The following SLIT2 variants were observed in gnomAD, a reference collection of about 807,000 sequenced individuals.
SLIT2 encodes the protein slit guidance ligand 2.
SLIT2 carries 41 observed loss-of-function variants against 185.7 expected under a neutral mutation model. The ratio of observed to expected loss-of-function variants is 0.22; its 90% CI spans 0.17 to 0.29. The LOEUF is 0.29. Among genes scored for constraint, SLIT2 ranks in the 10% least tolerant of loss-of-function variants. The pLI, the probability that SLIT2 is intolerant of heterozygous loss-of-function variation, is 1.00. For missense variants in SLIT2, 1,571 were observed against 1,909.0 expected (o/e 0.82, Z 3.30); for synonymous variants, 693 against 680.2 (o/e 1.02, Z -0.29).
At chr4:20,351,432 G>A (rs76780295) in intron 4 of SLIT2, among the ~76,000 whole-genome samples, 1,910 of 152,242 alleles carry the variant, frequency 0.013, 98 homozygotes, top group East Asian at 0.078. Flanking sequence ...GACATAGAAA[G>A]TAACTCTTTT....
At chr4:20,268,756 T>C in intron 3 of SLIT2, 54 bp from the exon 4 acceptor site, 1 of 1,083,058 alleles carries the variant, frequency 9.2e-7, no homozygotes, top group African/African-American at 1.5e-5. Context: ...AATCACAGTC[T>C]CATTGTTGGG....
intron 4 of SLIT2, among the ~76,000 whole-genome samples, chr4:20,340,423 G>T (rs572940474): frequency 8.4e-4 from 128 of 152,144 alleles, no homozygotes; most frequent in African/African-American, 2.9e-3. Context: ...TAAACCAAGG[G>T]AGTATCTGTA....
chr4:20,423,778 T>C (rs1381654871), intron 4 of SLIT2, among the ~76,000 whole-genome samples: 2 of 152,174 alleles, frequency 1.3e-5, no homozygotes, highest in African/African-American at 2.4e-5. Context: ...AAATTATCTT[T>C]ATGAGTAAGG....
chr4:20,582,213 G>A (rs546862418), intron 29 of SLIT2, among the ~76,000 whole-genome samples: 2 of 152,242 alleles, frequency 1.3e-5, no homozygotes, highest in African/African-American at 4.8e-5. Flanking sequence ...CATCTCTTAG[G>A]GCTCCTGTTC....
chr4:20,557,877 G>A (rs1724392990), intron 26 of SLIT2, among the ~76,000 whole-genome samples: 1 of 151,956 alleles, frequency 6.6e-6, no homozygotes, highest in African/African-American at 2.4e-5. Context: ...ATTCCAATCT[G>A]CATAGATGAC....
intron 4 of SLIT2, among the ~76,000 whole-genome samples, chr4:20,387,977 C>CA (rs1006313010): frequency 2.0e-5 from 3 of 150,274 alleles, no homozygotes; most frequent in Admixed American, 1.3e-4. Context: ...AACTAAAAAA[C>CA]AAAAAAACAC....
At chr4:20,559,382 C>T (rs1277141689) in intron 26 of SLIT2, among the ~76,000 whole-genome samples, 1 of 151,944 alleles carries the variant, frequency 6.6e-6, no homozygotes, top group Non-Finnish European at 1.5e-5. Flanking sequence ...AGAGTTTACT[C>T]AGTTTTTCTG....
intron 4 of SLIT2, among the ~76,000 whole-genome samples, chr4:20,308,041 T>A (rs543397379): frequency 6.6e-6 from 1 of 152,322 alleles, no homozygotes; most frequent in African/African-American, 2.4e-5. Context: ...TTAATTATTA[T>A]GATTTTTAGT....
At chr4:20,353,560 CAG>C in intron 4 of SLIT2, among the ~76,000 whole-genome samples, 1 of 152,090 alleles carries the variant, frequency 6.6e-6, no homozygotes, top group South Asian at 2.1e-4. Flanking sequence ...TTATGTAGAA[CAG>C]GCTGCATACA....
intron 4 of SLIT2, among the ~76,000 whole-genome samples, chr4:20,326,673 T>C (rs1362642584): frequency 6.6e-6 from 1 of 151,710 alleles, no homozygotes; most frequent in South Asian, 2.1e-4. Context: ...TGAGTCTTCT[T>C]GGAATTATCT....
At chr4:20,307,096 ATT>A (rs1560302218) in intron 4 of SLIT2, among the ~76,000 whole-genome samples, 7 of 51,228 alleles carry the variant, frequency 1.4e-4, no homozygotes, top group African/African-American at 5.1e-4. Flanking sequence ...CACCCGCTCT[ATT>A]TCTTTCCCTC....
At chr4:20,593,126 C>G (rs941792165) in intron 30 of SLIT2, among the ~76,000 whole-genome samples, 1 of 151,980 alleles carries the variant, frequency 6.6e-6, no homozygotes, top group Admixed American at 6.6e-5. Flanking sequence ...TTAATACAGA[C>G]TAAACCATAA....
rs537440164 is a variant in SLIT2, at chr4:20,484,399, T to C, written c.540-1801T>C. Among the ~76,000 whole-genome samples, 3 of 152,248 alleles carry C rather than the reference T, an allele frequency of 2.0e-5. No individual in the cohort carries two copies. Among genetic ancestry groups the C allele is most frequent in the African/African-American group, 7.2e-5 (3 of 41,560 alleles). ...TAGGAAAATGCTAAAAGCTCTTAGGTAAACTGAGCCAACAAATCCAGTGCT... is the reference window on the plus strand; with the variant it reads ...TAGGAAAATGCTAAAAGCTCTTAGGCAAACTGAGCCAACAAATCCAGTGCT... On this transcript the variant is annotated intron_variant, in intron 6 of 36. Transcript: ENST00000504154. This position sits in a 1 kb window ranked among gnomAD's most constrained non-coding sequence, Gnocchi z 4.3.
intron 4 of SLIT2, among the ~76,000 whole-genome samples, chr4:20,431,298 G>A (rs1728955360): frequency 6.6e-6 from 1 of 152,200 alleles, no homozygotes; most frequent in South Asian, 2.1e-4. Context: ...GGAAGGGGAT[G>A]GAGTAGGAAG....
intron 32 of SLIT2, 94 bp downstream of exon 32, chr4:20,596,749 T>G: frequency 7.9e-7 from 1 of 1,259,654 alleles, no homozygotes; most frequent in Non-Finnish European, 1.1e-6. Flanking sequence ...ATTGATAGTA[T>G]GTCTTAAATA....
chr4:20,278,643 A>C (rs1714410382), intron 4 of SLIT2, among the ~76,000 whole-genome samples: 1 of 152,164 alleles, frequency 6.6e-6, no homozygotes, highest in Non-Finnish European at 1.5e-5. Context: ...ACAAAAACAA[A>C]AACAAAAAAA....
At chr4:20,269,930 A>G (rs1035131184) in intron 4 of SLIT2, among the ~76,000 whole-genome samples, 11 of 151,912 alleles carry the variant, frequency 7.2e-5, no homozygotes, top group Non-Finnish European at 1.0e-4. Flanking sequence ...CTATAGGGAG[A>G]TATTCCCCAG....
Position 20,511,103 on chromosome 4 carries a change from G to C in SLIT2, c.1024G>C (p.Asp342His). ...TAATCAGATCTCTGAACTTGCACCA[G>C]ATGCTTTCCAAGGACTACGCTCTCT... Reference protein sequence around the residue: ...SNNQISELAPDAFQGLRSLNS... With the variant: ...SNNQISELAPHAFQGLRSLNS... Residue 342 changes from aspartate (D) to histidine (H), a missense_variant, in exon 11 of 37, where the codon GAT (aspartate) becomes CAT (histidine). Around this residue, in one of 3 missense-constraint regions of SLIT2, gnomAD observed 1,202 missense variants for 1,416.4 expected, o/e 0.85. Coordinates refer to ENST00000504154, the MANE Select transcript of SLIT2 (RefSeq NM_004787.4). The C allele has an allele frequency of 6.2e-7, 1 of 1,608,578 alleles. No individual in the cohort carries two copies. Among genetic ancestry groups the C allele is most frequent in the Non-Finnish European group, 8.5e-7 (1 of 1,175,780 alleles).
intron 4 of SLIT2, among the ~76,000 whole-genome samples, chr4:20,272,450 C>T (rs980418936): frequency 4.6e-5 from 7 of 151,940 alleles, no homozygotes; most frequent in Admixed American, 1.3e-4. Context: ...AATTTTGAAA[C>T]AGTTGATTAT....
Sources: gnomAD v4.1 joint callset for allele counts (sites outside exome capture counted in the v4.1 genomes callset) on GRCh38, gnomAD v4.1.1 for gene constraint, gnomAD v4.1.1 regional missense constraint, Gnocchi (gnomAD v3.1) non-coding constraint, MANE v1.5 for transcripts, NCBI Gene and HGNC (gene_info 2026-07-23, HGNC 2026-07-21) for gene names.